DLG2: variants seen among roughly 807,000 people sequenced by gnomAD.
DLG2 encodes the protein discs large MAGUK scaffold protein 2, also known as disks large homolog 2.
In DLG2, 45 loss-of-function variants were observed where a neutral mutation model predicts 132.5. The observed-to-expected ratio is 0.34, with a 90% CI of 0.27 to 0.44. The LOEUF (loss-of-function observed/expected upper bound fraction) is 0.44, where lower values mean the gene tolerates loss of function less well. Among genes scored for constraint, DLG2 ranks in the 20% least tolerant of loss-of-function variants. DLG2 has a pLI of 1.00. For synonymous variants in DLG2, 424 were observed against 419.6 expected, an observed-to-expected ratio of 1.01 and a Z score of -0.13; for missense variants, 1,045 against 1,196.9, an observed-to-expected ratio of 0.87 and a Z score of 1.87.
chr11:84,830,852 A>ACCT (rs1316473899), intron 6 of DLG2, among the ~76,000 whole-genome samples: 3 of 151,328 alleles, frequency 2.0e-5, no homozygotes, highest in African/African-American at 7.3e-5. Context: ...TTTAAAAATT[A>ACCT]CCTCTCTTAA....
intron 7 of DLG2, among the ~76,000 whole-genome samples, chr11:84,260,742 G>C (rs542331359): frequency 6.6e-6 from 1 of 152,310 alleles, no homozygotes; most frequent in East Asian, 1.9e-4. Context: ...CAAAATGTCA[G>C]ATGGCTAGAA....
chr11:85,491,912 TACAA>T (rs2093568453), intron 3 of DLG2, among the ~76,000 whole-genome samples: 2 of 151,946 alleles, frequency 1.3e-5, no homozygotes, highest in Admixed American at 1.3e-4. Flanking sequence ...CGTGTGAAAC[TACAA>T]AAGGCCCTGA....
At chr11:84,360,007 T>A (rs927279821) in intron 7 of DLG2, among the ~76,000 whole-genome samples, 61 of 152,022 alleles carry the variant, frequency 4.0e-4, no homozygotes, top group African/African-American at 1.4e-3. Context: ...AATTGGTAGC[T>A]TAGTAATGCA....
chr11:83,819,963 A>C (rs2050294834), intron 17 of DLG2, among the ~76,000 whole-genome samples: 1 of 95,628 alleles, frequency 1.0e-5, no homozygotes, highest in Non-Finnish European at 2.0e-5. Flanking sequence ...AATAATAAAC[A>C]AAGTCACAAA....
intron 2 of DLG2, among the ~76,000 whole-genome samples, chr11:85,608,576 C>T (rs186643850): frequency 1.1e-4 from 17 of 152,244 alleles, no homozygotes; most frequent in Admixed American, 9.8e-4. Flanking sequence ...CCTACAGCTC[C>T]CCTTCCCATT....
chr11:84,396,988 A>T (rs2098813188), intron 7 of DLG2, among the ~76,000 whole-genome samples: 1 of 152,160 alleles, frequency 6.6e-6, no homozygotes, highest in Non-Finnish European at 1.5e-5. Flanking sequence ...AATGTCCTTT[A>T]TCCTGTATTT....
chr11:84,313,946 T>C (rs17566512), intron 7 of DLG2, among the ~76,000 whole-genome samples: 2,687 of 152,250 alleles, frequency 0.018, 44 homozygotes, highest in Non-Finnish European at 0.024. Context: ...CAGATCCAAA[T>C]GGAATGAAAA....
At chr11:85,305,451 C>G (rs531678991) in intron 3 of DLG2, among the ~76,000 whole-genome samples, 24 of 152,292 alleles carry the variant, frequency 1.6e-4, no homozygotes, top group Middle Eastern at 3.4e-3. Context: ...TGCAGCAGTG[C>G]TTAGTTGTAA....
At chr11:85,005,228 A>G (rs1366632624) in intron 6 of DLG2, among the ~76,000 whole-genome samples, 2 of 152,196 alleles carry the variant, frequency 1.3e-5, no homozygotes, top group African/African-American at 2.4e-5. Flanking sequence ...TTGGTTCCTT[A>G]TGAAATTTAA....
intron 3 of DLG2, among the ~76,000 whole-genome samples, chr11:85,343,193 A>C (rs905066908): frequency 2.0e-5 from 3 of 152,162 alleles, no homozygotes; most frequent in African/African-American, 7.2e-5. Flanking sequence ...ATTTGGTTAT[A>C]ATATCCATTG....
chr11:84,936,349 T>A (rs762412658), intron 6 of DLG2, among the ~76,000 whole-genome samples: 1 of 152,160 alleles, frequency 6.6e-6, no homozygotes, highest in Non-Finnish European at 1.5e-5. Flanking sequence ...TAAAAATTGG[T>A]ACAACTACAT....
chr11:85,509,936 C>T (rs771939809), intron 3 of DLG2: 5 of 151,408 alleles, frequency 3.3e-5, no homozygotes, highest in African/African-American at 1.2e-4. Context: ...AAGGTTAGTT[C>T]GGCGCTCACT....
intron 3 of DLG2, among the ~76,000 whole-genome samples, chr11:85,400,792 G>T (rs1225095591): frequency 6.6e-6 from 1 of 151,732 alleles, no homozygotes; most frequent in Non-Finnish European, 1.5e-5. Context: ...TGGGGTGGGG[G>T]GAGAGGGGAG....
chr11:85,455,184 C>A (rs538956669), intron 3 of DLG2, among the ~76,000 whole-genome samples: 193 of 152,266 alleles, frequency 1.3e-3, no homozygotes, highest in African/African-American at 4.5e-3. Flanking sequence ...TTGTGTATGT[C>A]ATCTCTGATT....
At chr11:84,983,243 G>C (rs987738234) in intron 6 of DLG2, among the ~76,000 whole-genome samples, 14 of 152,120 alleles carry the variant, frequency 9.2e-5, no homozygotes. Flanking sequence ...GCTCCTGAAG[G>C]ACCCAGGAGA....
intron 6 of DLG2, among the ~76,000 whole-genome samples, chr11:84,973,784 C>T (rs533263480): frequency 6.6e-6 from 1 of 152,192 alleles, no homozygotes; most frequent in East Asian, 1.9e-4. Context: ...TACAAAGTGG[C>T]CATACATAAT....
chr11:85,130,211 A>G (rs1454338492), intron 5 of DLG2, among the ~76,000 whole-genome samples: 1 of 152,210 alleles, frequency 6.6e-6, no homozygotes, highest in Non-Finnish European at 1.5e-5. Flanking sequence ...ACAATTCTAA[A>G]AAATTATTCT....
intron 21 of DLG2, among the ~76,000 whole-genome samples, chr11:83,497,276 C>T (rs2094194951): frequency 6.6e-6 from 1 of 152,190 alleles, no homozygotes; most frequent in Admixed American, 6.5e-5. Flanking sequence ...GGCGTGGTGG[C>T]TCACGCCTGT....
chr11:85,195,523 GTTTTT>G (rs34574453), intron 4 of DLG2, among the ~76,000 whole-genome samples: 3 of 133,716 alleles, frequency 2.2e-5, no homozygotes, highest in African/African-American at 8.2e-5. Flanking sequence ...AAGTGACAGT[GTTTTT>G]TTTTTTTTTT....
Sources: allele counts gnomAD v4.1 joint callset (sites outside exome capture counted in the v4.1 genomes callset), GRCh38; gene constraint gnomAD v4.1.1; transcripts MANE v1.5; gene names NCBI Gene and HGNC (gene_info 2026-07-23, HGNC 2026-07-21).